CSRNP2: variants seen among roughly 807,000 people sequenced by gnomAD.
CSRNP2 encodes cysteine/serine-rich nuclear protein 2.
CSRNP2 carries 11 observed loss-of-function variants against 36.6 expected under a neutral mutation model. The observed-to-expected ratio is 0.30, with a 90% confidence interval of 0.19 to 0.50. The LOEUF is 0.50. Among genes scored for constraint, CSRNP2 ranks in the 20% least tolerant of loss-of-function variants. The pLI is 0.98. For missense variants in CSRNP2, 483 were observed against 691.4 expected, an observed-to-expected ratio of 0.70 and a Z score of 3.38; for synonymous variants, 248 against 275.3, an observed-to-expected ratio of 0.90 and a Z score of 0.98.
intron 3 of CSRNP2, among the ~76,000 whole-genome samples, chr12:51,068,235 A>G (rs777828800): frequency 6.6e-6 from 1 of 152,072 alleles, no homozygotes; most frequent in Non-Finnish European, 1.5e-5. Context: ...TTGGCTCACT[A>G]CAACCTCCGC....
In CSRNP2 at chr12:51,076,392, G is replaced by A. The variant is rs1169409878; in HGVS notation, c.151+19C>T. On this transcript the variant is annotated intron_variant, in intron 2 of 4. Transcript: ENST00000228515. ...CTTGGGGAATGTGGGTATAGGCAGG[G>A]ACGGAGCAGCTTACTCACGTGTGAA... 2 of 1,613,356 alleles carry A rather than the reference G, an allele frequency of 1.2e-6. No homozygotes were observed. The highest frequency in any genetic ancestry group is 2.2e-5 in the East Asian group (1 of 44,876).
At position 51,063,479 on chromosome 12, in the gene CSRNP2, T is replaced by C. The variant is rs978075838; in HGVS notation, c.*267A>G. 2.8e-5 allele frequency: 7 copies of C among 252,018 alleles called. No homozygotes were observed. Among genetic ancestry groups the C allele is most frequent in the Non-Finnish European group, 3.8e-5 (5 of 132,180 alleles). 15.6% of individuals were successfully genotyped at this position (252,018 alleles called of 1,614,324 possible). On this transcript the variant is annotated 3_prime_UTR_variant, in exon 5 of 5. Coordinates refer to ENST00000228515, the MANE Select transcript of CSRNP2 (RefSeq NM_030809.3). ...CTTTTCCTGTGAGATCCTAGTTCTTTGTTCCAGTGGCCCAGAAAGCTTAAT... is the reference window on the plus strand; with the variant it reads ...CTTTTCCTGTGAGATCCTAGTTCTTCGTTCCAGTGGCCCAGAAAGCTTAAT...
At position 51,076,372 on chromosome 12, in the gene CSRNP2, G is replaced by A. The variant is rs769424308; in HGVS notation, c.151+39C>T. 4 of 1,604,370 alleles carry A rather than the reference G, an allele frequency of 2.5e-6. No homozygotes were observed. In the East Asian group the frequency reaches 6.7e-5, roughly 27 times the overall value. ...AGCTGCCATGGGTTCTGCTGCTTGGGGAATGTGGGTATAGGCAGGGACGGA... is the reference window on the plus strand; with the variant it reads ...AGCTGCCATGGGTTCTGCTGCTTGGAGAATGTGGGTATAGGCAGGGACGGA... On this transcript the variant is annotated intron_variant, in intron 2 of 4. Transcript: ENST00000228515.
chr12:51,080,714 ATTT>A (rs1271567799), intron 1 of CSRNP2, among the ~76,000 whole-genome samples: 85 of 152,296 alleles, frequency 5.6e-4, no homozygotes, highest in Non-Finnish European at 1.5e-4. Flanking sequence ...TGTTAGCAGC[ATTT>A]TCTCTGACAT....
Position 51,067,507 on chromosome 12 carries a change from G to A in CSRNP2, c.708+166C>T, listed in dbSNP as rs1177954669. Among the ~76,000 whole-genome samples, 1 of 152,116 alleles carries A rather than the reference G, an allele frequency of 6.6e-6. No homozygotes were observed. The highest frequency in any genetic ancestry group is 2.4e-5 in the African/African-American group (1 of 41,430). The stretch of plus-strand genomic sequence containing the variant: ...GAGGTGTGAGCCACCATGCCTGGCC[G>A]TGTGCTGTTTGCTTACTCTGTTGAC... On this transcript the variant is annotated intron_variant, in intron 4 of 4. Coordinates refer to ENST00000228515, the MANE Select transcript of CSRNP2 (RefSeq NM_030809.3). The surrounding 1 kb of genome is among the most constrained non-coding windows in gnomAD (Gnocchi z 4.1).
intron 1 of CSRNP2, among the ~76,000 whole-genome samples, chr12:51,080,693 T>TGAG (rs1032751268): frequency 3.3e-4 from 50 of 152,346 alleles, no homozygotes; most frequent in African/African-American, 1.1e-3. Flanking sequence ...CTCTTCACCC[T>TGAG]ACCCAGGCTC....
intron 1 of CSRNP2, among the ~76,000 whole-genome samples, chr12:51,079,607 CAAAA>C (rs35343188): frequency 1.5e-5 from 2 of 135,354 alleles, no homozygotes; most frequent in African/African-American, 2.8e-5. Flanking sequence ...ACTAAAAATC[CAAAA>C]AAAAAAAAAA....
Position 51,063,797 on chromosome 12 carries a change from A to G in CSRNP2, c.1581T>C (p.Asn527=), listed in dbSNP as rs377135259. The part of the protein sequence containing the change: ...GCGMVKTSQQ[N]EDRPPEDSSL... The stretch of plus-strand genomic sequence containing the variant: ...AAGAATCTTCAGGGGGCCGATCCTC[A>G]TTCTGCTGGGAGGTCTTCACCATCC... Residue 527 remains asparagine (N), a synonymous_variant, in exon 5 of 5, where the codon AAT becomes AAC. Transcript: ENST00000228515. The G allele has an allele frequency of 2.5e-6, 4 of 1,600,382 alleles. No homozygotes were observed. The African/African-American group carries it at 5.4e-5, about 22-fold the overall frequency.
At chr12:51,078,470 C>A (rs779274506) in intron 1 of CSRNP2, among the ~76,000 whole-genome samples, 2 of 152,000 alleles carry the variant, frequency 1.3e-5, no homozygotes, top group African/African-American at 2.4e-5. Flanking sequence ...CAGTTTAGTT[C>A]TTCATGTTAC....
At position 51,074,095 on chromosome 12, in the gene CSRNP2, C is replaced by T; in HGVS notation, c.152-13G>A. On this transcript the variant is annotated splice_polypyrimidine_tract_variant and intron_variant, in intron 2 of 4. Transcript: ENST00000228515. The stretch of plus-strand genomic sequence containing the variant: ...AGGATGGATGTGGCTGAGAAGGGAG[C>T]ACAGAGAGATGTTTTATTTATTTTT... 1 of 1,606,220 alleles carries T rather than the reference C, an allele frequency of 6.2e-7. No individual in the cohort carries two copies. Among genetic ancestry groups the T allele is most frequent in the Non-Finnish European group, 8.5e-7 (1 of 1,177,378 alleles).
chr12:51,080,594 G>C (rs1186402034), intron 1 of CSRNP2, among the ~76,000 whole-genome samples: 1 of 152,150 alleles, frequency 6.6e-6, no homozygotes, highest in African/African-American at 2.4e-5. Flanking sequence ...GGAACCTATG[G>C]CTATGTGTGT....
intron 1 of CSRNP2, 122 bp from the exon 2 acceptor site, chr12:51,076,769 C>T (rs768987301): frequency 5.2e-5 from 29 of 558,426 alleles, no homozygotes; most frequent in Non-Finnish European, 8.3e-5. Flanking sequence ...CTCAATATTA[C>T]GTTCTTTCTC....
Position 51,063,871 on chromosome 12 carries a change from A to G in CSRNP2, c.1507T>C (p.Trp503Arg). The G allele has an allele frequency of 6.2e-7, 1 of 1,614,128 alleles. No individual in the cohort carries two copies. Among genetic ancestry groups the G allele is most frequent in the Non-Finnish European group, 8.5e-7 (1 of 1,180,000 alleles). The change falls in exon 5 of 5, where the codon TGG (tryptophan) becomes CGG (arginine). Residue 503 changes from tryptophan to arginine, a missense_variant. This residue lies in a region of CSRNP2 where 277 missense variants were observed against 323.6 expected (regional missense o/e 0.86). Coordinates refer to ENST00000228515, the MANE Select transcript of CSRNP2 (RefSeq NM_030809.3). ...CGGAAGGGGAGGCTTGAGGGGGACC[A>G]GGAAGGGTGGAAGTCTTCATTTTCA... ...EPENEDFHPSWSPSSLPFRTD... is the reference protein window; with the variant it reads ...EPENEDFHPSRSPSSLPFRTD...
At chr12:51,069,793 C>T (rs1041790265) in intron 3 of CSRNP2, among the ~76,000 whole-genome samples, 5 of 151,132 alleles carry the variant, frequency 3.3e-5, no homozygotes, top group Non-Finnish European at 7.4e-5. Context: ...CCTGGGTTCA[C>T]GCCATTCTCC....
intron 1 of CSRNP2, among the ~76,000 whole-genome samples, chr12:51,077,621 A>G (rs935007822): frequency 1.3e-5 from 2 of 152,170 alleles, no homozygotes; most frequent in African/African-American, 4.8e-5. Context: ...GCTTCTATAA[A>G]GGTCAAATTT....
At chr12:51,064,954 C>G (rs1465017713) in intron 4 of CSRNP2, among the ~76,000 whole-genome samples, 3 of 152,104 alleles carry the variant, frequency 2.0e-5, no homozygotes, top group Non-Finnish European at 4.4e-5. Flanking sequence ...AACAAGTAGA[C>G]AAAATCACAG....
At chr12:51,078,390 C>T (rs1449765339) in intron 1 of CSRNP2, among the ~76,000 whole-genome samples, 1 of 24,538 alleles carries the variant, frequency 4.1e-5, no homozygotes, top group Non-Finnish European at 9.0e-5. Context: ...ATAAATTTGC[C>T]AGGGAAGAAA....
rs748464053 is a variant in CSRNP2 at position 51,064,568 on chromosome 12, G to C, written c.810C>G (p.Leu270=). ...CCAGCTCCAGCTTCATAATGGTGTG[G>C]AGGTAATGAGTCCGGACCCGGATTG... ...FNPIRVRTHY[L]HTIMKLELES... Residue 270 remains leucine, a synonymous_variant, in exon 5 of 5, where the codon CTC becomes CTG. Transcript: ENST00000228515. 38 of 1,612,370 alleles carry C rather than the reference G, an allele frequency of 2.4e-5. No homozygotes were observed. The highest frequency in any genetic ancestry group is 2.8e-5 in the Non-Finnish European group (33 of 1,179,190).
chr12:51,072,183 C>G (rs1179691010), intron 3 of CSRNP2, among the ~76,000 whole-genome samples: 1 of 152,094 alleles, frequency 6.6e-6, no homozygotes, highest in African/African-American at 2.4e-5. Context: ...TGGTGTTCTT[C>G]AAATTTGGAA....
Sources: gnomAD v4.1 joint callset for allele counts (sites outside exome capture counted in the v4.1 genomes callset) on GRCh38, gnomAD v4.1.1 for gene constraint, gnomAD v4.1.1 regional missense constraint, Gnocchi (gnomAD v3.1) non-coding constraint, MANE v1.5 for transcripts, NCBI Gene and HGNC (gene_info 2026-07-23, HGNC 2026-07-21) for gene names.